The following AGBL1 variants were observed in gnomAD, a reference collection of about 807,000 sequenced individuals.
AGBL1 encodes AGBL carboxypeptidase 1.
Under a neutral mutation model 118.9 loss-of-function variants are expected in AGBL1, and 130 were observed. The observed-to-expected ratio is 1.09, with a 90% confidence interval of 0.95 to 1.26. The LOEUF (loss-of-function observed/expected upper bound fraction) is 1.26, where lower values mean the gene tolerates loss of function less well. AGBL1 is among the 50% of genes most tolerant of loss of function. AGBL1 has a pLI of 0.00. For synonymous variants in AGBL1, 555 were observed against 478.9 expected (o/e 1.16, Z -2.08); for missense variants, 1,584 against 1,298.1 (o/e 1.22, Z -3.38).
At chr15:86,767,776 G>C (rs548891878) in intron 22 of AGBL1, among the ~76,000 whole-genome samples, 1 of 152,056 alleles carries the variant, frequency 6.6e-6, no homozygotes, top group South Asian at 2.1e-4. Flanking sequence ...GCGATGACCA[G>C]AACTACTTCC....
chr15:86,900,245 A>G (rs1469039588), intron 22 of AGBL1, among the ~76,000 whole-genome samples: 1 of 152,150 alleles, frequency 6.6e-6, no homozygotes, highest in Non-Finnish European at 1.5e-5. Flanking sequence ...CCTTGTGATC[A>G]TGTGAGTCAA....
intron 5 of AGBL1, among the ~76,000 whole-genome samples, chr15:86,219,144 T>G (rs1008758438): frequency 6.6e-5 from 10 of 152,178 alleles, no homozygotes; most frequent in Admixed American, 1.3e-4. Flanking sequence ...GCACATTTTT[T>G]CTCCAGTGAC....
At chr15:86,469,010 AT>A (rs1596153106) in intron 18 of AGBL1, among the ~76,000 whole-genome samples, 2 of 152,306 alleles carry the variant, frequency 1.3e-5, no homozygotes, top group East Asian at 3.9e-4. Flanking sequence ...ATATATATTC[AT>A]TGTGAAATGG....
chr15:86,835,077 G>A (rs1040867586), intron 22 of AGBL1, among the ~76,000 whole-genome samples: 1 of 152,030 alleles, frequency 6.6e-6, no homozygotes, highest in Non-Finnish European at 1.5e-5. Context: ...CCTTTTCCAG[G>A]CTCTTGCTTC....
chr15:86,643,886 G>T (rs574162230), intron 21 of AGBL1, among the ~76,000 whole-genome samples: 1 of 152,214 alleles, frequency 6.6e-6, no homozygotes, highest in Non-Finnish European at 1.5e-5. Flanking sequence ...TTAGAGAAGA[G>T]CAGCTTTCAA....
intron 17 of AGBL1, among the ~76,000 whole-genome samples, chr15:86,330,556 C>T (rs1301579114): frequency 6.6e-6 from 1 of 152,204 alleles, no homozygotes; most frequent in Non-Finnish European, 1.5e-5. Flanking sequence ...TGCAATAATT[C>T]TGACACCATG....
intron 21 of AGBL1, among the ~76,000 whole-genome samples, chr15:86,649,001 G>A (rs554297265): frequency 1.1e-4 from 17 of 152,060 alleles, no homozygotes; most frequent in Non-Finnish European, 2.4e-4. Context: ...GTGATATGAA[G>A]AGACCCTTTT....
At chr15:86,751,046 G>A (rs1477328043) in intron 22 of AGBL1, among the ~76,000 whole-genome samples, 1 of 152,086 alleles carries the variant, frequency 6.6e-6, no homozygotes, top group Admixed American at 6.6e-5. Context: ...ATTGTCAGTA[G>A]GAATGTAGGT....
In AGBL1 at chr15:86,124,301, G is replaced by C. The variant is rs1007246746; in HGVS notation, c.52-17703G>C. Among the ~76,000 whole-genome samples the C allele has an allele frequency of 2.8e-5, 4 of 140,810 alleles. No individual in the cohort carries two copies. In the Admixed American group the frequency reaches 2.9e-4, roughly 10 times the overall value. The allele number at this position is 140,810 out of a possible 152,430, so 92.4% of individuals were successfully genotyped here. On this transcript the variant is annotated intron_variant, in intron 1 of 22. Coordinates refer to ENST00000614907, the MANE Select transcript of AGBL1 (RefSeq NM_001386094.1). ...GCTGAGATTGCACCACTGCACTACA[G>C]CCTGGGCACCAGAGTGAGACTCTGT...
At chr15:86,318,293 A>T (rs1335103948) in intron 17 of AGBL1, among the ~76,000 whole-genome samples, 2 of 152,148 alleles carry the variant, frequency 1.3e-5, no homozygotes, top group African/African-American at 4.8e-5. Context: ...ATAAAGTAGA[A>T]CATTGCCACT....
intron 17 of AGBL1, among the ~76,000 whole-genome samples, chr15:86,332,530 C>T (rs1210599397): frequency 6.6e-6 from 1 of 151,898 alleles, no homozygotes; most frequent in Non-Finnish European, 1.5e-5. Flanking sequence ...CCTGTAGTCC[C>T]AGCTACTCAG....
rs185436490 is a variant in AGBL1, at chr15:86,584,847, T to A, written c.2994+30310T>A. Among the ~76,000 whole-genome samples the A allele has an allele frequency of 9.1e-4, 138 of 152,352 alleles. 1 individual carries two copies. The highest frequency in any genetic ancestry group is 2.6e-3 in the African/African-American group (107 of 41,590). On this transcript the variant is annotated intron_variant, in intron 21 of 22. Coordinates refer to ENST00000614907, the MANE Select transcript of AGBL1 (RefSeq NM_001386094.1). ...TGTTTTCCCATTTGTTTGTGTCATC[T>A]GTGATTTCTTTCAGCAGTGTTTTGT...
chr15:86,902,776 C>T (rs923732905), intron 22 of AGBL1, among the ~76,000 whole-genome samples: 4 of 152,144 alleles, frequency 2.6e-5, no homozygotes, highest in Admixed American at 6.5e-5. Context: ...TGCTGCCATT[C>T]TAATTGCTTT....
chr15:86,426,312 T>A (rs561326203), intron 18 of AGBL1, among the ~76,000 whole-genome samples: 27 of 152,310 alleles, frequency 1.8e-4, no homozygotes, highest in Admixed American at 3.3e-4. Flanking sequence ...ATCTAGAACC[T>A]TTGTTACCAA....
chr15:86,935,655 G>C (rs1349602831), intron 23 of AGBL1, among the ~76,000 whole-genome samples: 2 of 152,218 alleles, frequency 1.3e-5, no homozygotes, highest in African/African-American at 2.4e-5. Flanking sequence ...TCTGTGATAA[G>C]AGAGTTTATG....
chr15:86,842,342 CAGAT>C (rs2079257464), intron 22 of AGBL1, among the ~76,000 whole-genome samples: 1 of 152,160 alleles, frequency 6.6e-6, no homozygotes, highest in Non-Finnish European at 1.5e-5. Context: ...CTGAGCTCCT[CAGAT>C]AGATCAATTT....
intron 22 of AGBL1, among the ~76,000 whole-genome samples, chr15:86,689,283 G>C (rs897844463): frequency 6.6e-6 from 1 of 152,034 alleles, no homozygotes; most frequent in African/African-American, 2.4e-5. Flanking sequence ...CACCATCTCA[G>C]CAAGACTTTT....
At position 86,854,406 on chromosome 15, in the gene AGBL1, C is replaced by A. The variant is rs577352527; in HGVS notation, c.3159-52681C>A. On this transcript the variant is annotated intron_variant, in intron 22 of 22. Coordinates refer to ENST00000614907, the MANE Select transcript of AGBL1 (RefSeq NM_001386094.1). Reference sequence around the variant, plus strand: ...GAAGAACACAAACAGATGAGGTGAACTGTGGTATTTCTCTGGCTCCTTAAT... The same window carrying A: ...GAAGAACACAAACAGATGAGGTGAAATGTGGTATTTCTCTGGCTCCTTAAT... 1.2e-3 allele frequency among the ~76,000 whole-genome samples: 181 copies of A among 152,212 alleles called. 1 individual carries two copies. The highest frequency in any genetic ancestry group is 1.8e-3 in the Admixed American group (28 of 15,280).
At chr15:86,307,263 T>C (rs565346826) in intron 17 of AGBL1, among the ~76,000 whole-genome samples, 49 of 152,332 alleles carry the variant, frequency 3.2e-4, no homozygotes, top group African/African-American at 7.2e-4. Flanking sequence ...TTGTCTATTA[T>C]GTTAGATGAT....
Sources: allele counts gnomAD v4.1 joint callset (sites outside exome capture counted in the v4.1 genomes callset), GRCh38; gene constraint gnomAD v4.1.1; transcripts MANE v1.5; gene names NCBI Gene and HGNC (gene_info 2026-07-23, HGNC 2026-07-21).